The following STON2 variants were observed in gnomAD, a reference collection of about 807,000 sequenced individuals.
STON2 encodes the protein stonin 2, also known as stonin-2.
STON2 carries 29 observed loss-of-function variants against 65.7 expected under a neutral mutation model. The observed-to-expected ratio is 0.44, with a 90% confidence interval of 0.33 to 0.60. The LOEUF is 0.60. Among genes scored for constraint, STON2 ranks in the 20% least tolerant of loss-of-function variants. The probability of loss-of-function intolerance (pLI) is 0.03; values close to 1 mark genes in which losing one functional copy is unlikely to be tolerated. For synonymous variants in STON2, 404 were observed against 414.2 expected, an observed-to-expected ratio of 0.98 and a Z score of 0.30; for missense variants, 1,054 against 1,118.1, an observed-to-expected ratio of 0.94 and a Z score of 0.82.
At chr14:81,302,625 T>C (rs17111693) in intron 5 of STON2, among the ~76,000 whole-genome samples, 2,512 of 152,338 alleles carry the variant, frequency 0.016, 69 homozygotes, top group African/African-American at 0.051. Flanking sequence ...ATAAAGTTGA[T>C]TGCATGACAA....
At chr14:81,338,482 T>C (rs1458461366) in intron 4 of STON2, among the ~76,000 whole-genome samples, 1 of 152,198 alleles carries the variant, frequency 6.6e-6, no homozygotes, top group African/African-American at 2.4e-5. Context: ...TGTTATCCTT[T>C]AAATGAGAAA....
Position 81,264,712 on chromosome 14 carries a change from G to T in STON2, c.*3702C>A. The T allele has an allele frequency of 1.0e-6, 1 of 985,338 alleles. No individual in the cohort carries two copies. The highest frequency in any genetic ancestry group is 1.2e-6 in the Non-Finnish European group (1 of 829,894). 61.0% of individuals were successfully genotyped at this position (985,338 alleles called of 1,614,324 possible). ...AAGGATTATGAACCCTGCCAATAAT[G>T]CAGGAAGGCACAGTAAGGGAAGAGC... On this transcript the variant is annotated 3_prime_UTR_variant, in exon 8 of 8. Transcript: ENST00000614646.
At chr14:81,407,729 C>A (rs1325105249) in intron 2 of STON2, among the ~76,000 whole-genome samples, 1 of 152,124 alleles carries the variant, frequency 6.6e-6, no homozygotes, top group African/African-American at 2.4e-5. Context: ...TCAAAAGCTA[C>A]AAAGAAAGGA....
intron 4 of STON2, among the ~76,000 whole-genome samples, chr14:81,339,982 A>G (rs1173132450): frequency 7.2e-5 from 11 of 152,166 alleles, no homozygotes; most frequent in East Asian, 5.8e-4. Flanking sequence ...ATGAAACCCC[A>G]TCTCTACTAA....
intron 2 of STON2, among the ~76,000 whole-genome samples, chr14:81,396,983 A>G (rs1900355317): frequency 6.6e-6 from 1 of 152,140 alleles, no homozygotes; most frequent in African/African-American, 2.4e-5. Flanking sequence ...GCTTGAATCC[A>G]GGAGGCGGAG....
intron 2 of STON2, among the ~76,000 whole-genome samples, chr14:81,409,910 T>G (rs1901066520): frequency 6.6e-6 from 1 of 152,214 alleles, no homozygotes; most frequent in Non-Finnish European, 1.5e-5. Flanking sequence ...TCTAGCTAGT[T>G]AAACAAAAAT....
rs576600447 is a variant in STON2, at chr14:81,371,688, A to AG, written c.374-504_374-503insC. ...ATGAGACTGAGTCTAAAAAAAAAAAAAAAGAAAAGAAAAGAAAAGTAAGGT... is the reference window on the plus strand; with the variant it reads ...ATGAGACTGAGTCTAAAAAAAAAAAAGAAAGAAAAGAAAAGAAAAGTAAGGT... On this transcript the variant is annotated intron_variant, in intron 3 of 7. Transcript: ENST00000614646. Among the ~76,000 whole-genome samples the AG allele has an allele frequency of 4.3e-4, 62 of 145,662 alleles. 1 individual carries two copies. Among genetic ancestry groups the AG allele is most frequent in the Non-Finnish European group, 7.3e-4 (49 of 66,866 alleles).
intron 2 of STON2, among the ~76,000 whole-genome samples, chr14:81,423,752 T>G (rs1901830270): frequency 6.6e-6 from 1 of 152,050 alleles, no homozygotes; most frequent in Non-Finnish European, 1.5e-5. Flanking sequence ...CTGATCATGA[T>G]GTTATCCTTG....
chr14:81,318,783 G>A (rs1896717567), intron 5 of STON2, among the ~76,000 whole-genome samples: 1 of 152,166 alleles, frequency 6.6e-6, no homozygotes, highest in African/African-American at 2.4e-5. Flanking sequence ...CCTGGGAGAC[G>A]GAACCTGTGA....
At chr14:81,335,019 T>TTGTG (rs61658924) in intron 4 of STON2, among the ~76,000 whole-genome samples, 135 of 146,382 alleles carry the variant, frequency 9.2e-4, no homozygotes, top group African/African-American at 3.2e-3. Context: ...TTTTTTGTAT[T>TTGTG]TGTGTGTGTG....
At chr14:81,269,806 G>A in intron 7 of STON2, 1 of 985,360 alleles carries the variant, frequency 1.0e-6, no homozygotes, top group African/African-American at 1.7e-5. Context: ...AACTCCCCAG[G>A]AAAGTATCAC....
chr14:81,304,559 C>T (rs1006052123), intron 5 of STON2, among the ~76,000 whole-genome samples: 3 of 152,044 alleles, frequency 2.0e-5, no homozygotes, highest in East Asian at 3.9e-4. Context: ...CCTGTCTCCA[C>T]AAAAAATATC....
intron 7 of STON2, chr14:81,269,506 CT>C: frequency 1.0e-6 from 1 of 985,410 alleles, no homozygotes; most frequent in Non-Finnish European, 1.2e-6. Flanking sequence ...CAGGTTGCTC[CT>C]CTCAGCACCA....
chr14:81,270,945 T>G (rs1387465673), intron 6 of STON2, 73 bp from the exon 7 acceptor site: 2 of 1,552,190 alleles, frequency 1.3e-6, no homozygotes, highest in East Asian at 4.5e-5. Context: ...AGGAGCCACT[T>G]TGGTAATAAA....
chr14:81,267,459 T>C lies in STON2; in HGVS notation c.*955A>G, dbSNP rs1894401424. 1.0e-6 allele frequency: 1 copy of C among 985,176 alleles called. No individual in the cohort carries two copies. Among genetic ancestry groups the C allele is most frequent in the Non-Finnish European group, 1.2e-6 (1 of 829,836 alleles). 61.0% of individuals were successfully genotyped at this position (985,176 alleles called of 1,614,324 possible). A position where few individuals can be genotyped will look rare whatever the true frequency, so the allele number is the denominator to read the frequency against. On this transcript the variant is annotated 3_prime_UTR_variant, in exon 8 of 8. Transcript: ENST00000614646. ...CCTATAAAGTTGGGTTAAAGGGACA[T>C]GCAACTGTCTATTGGTCATGAGGTA...
At chr14:81,362,279 A>G (rs1450608766) in intron 4 of STON2, among the ~76,000 whole-genome samples, 1 of 152,220 alleles carries the variant, frequency 6.6e-6, no homozygotes, top group African/African-American at 2.4e-5. Flanking sequence ...TGGCATACAT[A>G]CACAATGAAA....
intron 5 of STON2, among the ~76,000 whole-genome samples, chr14:81,280,782 G>A (rs117497395): frequency 0.019 from 2,878 of 152,206 alleles, 47 homozygotes; most frequent in Middle Eastern, 0.061. Context: ...AGGCCGGGAC[G>A]GGCAGATCAC....
At chr14:81,424,633 A>G (rs1317364736) in intron 2 of STON2, among the ~76,000 whole-genome samples, 1 of 152,156 alleles carries the variant, frequency 6.6e-6, no homozygotes, top group African/African-American at 2.4e-5. Context: ...AGGGTAAGGC[A>G]TTCCTTATAG....
At chr14:81,335,456 C>T (rs935079772) in intron 4 of STON2, among the ~76,000 whole-genome samples, 6 of 152,134 alleles carry the variant, frequency 3.9e-5, no homozygotes, top group African/African-American at 1.4e-4. Flanking sequence ...TGAAGAGATG[C>T]ATTCAACAGG....
Sources: allele counts gnomAD v4.1 joint callset (sites outside exome capture counted in the v4.1 genomes callset), GRCh38; gene constraint gnomAD v4.1.1; transcripts MANE v1.5; gene names NCBI Gene and HGNC (gene_info 2026-07-23, HGNC 2026-07-21).